BTAF1: variants seen among roughly 807,000 people sequenced by gnomAD.
BTAF1 encodes TATA-binding protein-associated factor 172.
BTAF1 carries 38 observed loss-of-function variants against 227.1 expected under a neutral mutation model. The observed-to-expected ratio is 0.17, with a 90% confidence interval of 0.13 to 0.22. The LOEUF is 0.22. Among genes scored for constraint, BTAF1 ranks in the 10% least tolerant of loss-of-function variants. BTAF1 has a pLI of 1.00. For synonymous variants in BTAF1, 742 were observed against 751.9 expected, an observed-to-expected ratio of 0.99 and a Z score of 0.21; for missense variants, 1,598 against 2,204.0, an observed-to-expected ratio of 0.73 and a Z score of 5.51.
intron 14 of BTAF1, among the ~76,000 whole-genome samples, chr10:91,970,522 T>G (rs1035464931): frequency 6.6e-6 from 1 of 152,278 alleles, no homozygotes; most frequent in Admixed American, 6.5e-5. Flanking sequence ...GAAACTCCTG[T>G]TTTTAAAATT....
intron 34 of BTAF1, among the ~76,000 whole-genome samples, chr10:92,020,968 A>C (rs1851078130): frequency 6.6e-6 from 1 of 152,162 alleles, no homozygotes; most frequent in Non-Finnish European, 1.5e-5. Flanking sequence ...ATGCTTAGGA[A>C]GTCTGCAACT....
chr10:91,930,519 A>G (rs1356272055), intron 1 of BTAF1, among the ~76,000 whole-genome samples: 3 of 152,182 alleles, frequency 2.0e-5, no homozygotes. Flanking sequence ...TCACACCTTC[A>G]TATTGATTCT....
intron 19 of BTAF1, among the ~76,000 whole-genome samples, chr10:91,987,438 A>G (rs549627982): frequency 6.6e-6 from 1 of 152,202 alleles, no homozygotes; most frequent in Non-Finnish European, 1.5e-5. Flanking sequence ...AACCAAGATC[A>G]CGCCACTGCG....
chr10:91,976,734 G>C (rs557551834), intron 14 of BTAF1, among the ~76,000 whole-genome samples: 1 of 152,236 alleles, frequency 6.6e-6, no homozygotes, highest in South Asian at 2.1e-4. Context: ...TATTCCTTAC[G>C]ATACGAATTT....
intron 8 of BTAF1, 93 bp downstream of exon 8, chr10:91,957,386 A>G (rs572865257): frequency 6.6e-4 from 667 of 1,010,040 alleles, no homozygotes; most frequent in Middle Eastern, 1.3e-3. Flanking sequence ...CAGAGTCCCT[A>G]TTCTTCTCTG....
At chr10:91,991,832 T>TATATAC (rs1466556430) in intron 20 of BTAF1, among the ~76,000 whole-genome samples, 48 of 11,246 alleles carry the variant, frequency 4.3e-3, no homozygotes, top group African/African-American at 6.0e-3. Context: ...TATATATATA[T>TATATAC]ACACACATAT....
intron 14 of BTAF1, among the ~76,000 whole-genome samples, chr10:91,978,671 A>AGG (rs1168233881): frequency 2.6e-5 from 4 of 152,118 alleles, no homozygotes; most frequent in Non-Finnish European, 5.9e-5. Context: ...TGTGGAGGGC[A>AGG]GGGGCTGATA....
chr10:91,988,511 G>A (rs866010396), intron 19 of BTAF1, among the ~76,000 whole-genome samples: 14 of 152,178 alleles, frequency 9.2e-5, no homozygotes, highest in Admixed American at 6.5e-5. Context: ...TTTCAATGGG[G>A]CTTGCAAAGT....
chr10:92,001,987 C>T lies in BTAF1; in HGVS notation c.3660+4236C>T, dbSNP rs867175317. Among the ~76,000 whole-genome samples, 590 of 94,512 alleles carry T rather than the reference C, an allele frequency of 6.2e-3. 4 individuals are homozygous for T. Among genetic ancestry groups the T allele is most frequent in the South Asian group, 0.011 (25 of 2,360 alleles). 62.0% of individuals were successfully genotyped at this position (94,512 alleles called of 152,430 possible). ...AAAAAACCATATATATATATATATACACACACACACACACACACACACACA... is the reference window on the plus strand; with the variant it reads ...AAAAAACCATATATATATATATATATACACACACACACACACACACACACA... On this transcript the variant is annotated intron_variant, in intron 25 of 37. Transcript: ENST00000265990.
intron 4 of BTAF1, among the ~76,000 whole-genome samples, chr10:91,943,489 A>G (rs1222959154): frequency 6.6e-6 from 1 of 152,210 alleles, no homozygotes; most frequent in Non-Finnish European, 1.5e-5. Context: ...TTTTGAGTAA[A>G]AAACAAAACA....
intron 30 of BTAF1, among the ~76,000 whole-genome samples, chr10:92,012,739 G>A (rs1271495328): frequency 2.4e-5 from 3 of 126,396 alleles, no homozygotes; most frequent in African/African-American, 9.3e-5. Flanking sequence ...CCATTGCACT[G>A]CAGCCTGGGT....
chr10:92,013,403 C>G (rs1186549698), intron 30 of BTAF1, among the ~76,000 whole-genome samples: 1 of 152,080 alleles, frequency 6.6e-6, no homozygotes, highest in Non-Finnish European at 1.5e-5. Context: ...TTCATAAATG[C>G]CAACAGTAAA....
At position 91,942,571 on chromosome 10, in the gene BTAF1, C is replaced by T. The variant is rs17107230; in HGVS notation, c.400+3C>T. ...TGAAGTCCAAGATGAAAAATCAGGT[C>T]TGTAGTGGTTCTGAGAAGAAAGTCT... On this transcript the variant is annotated splice_donor_region_variant and intron_variant, in intron 4 of 37. Coordinates refer to ENST00000265990, the MANE Select transcript of BTAF1 (RefSeq NM_003972.3). The T allele has an allele frequency of 1.2e-6, 2 of 1,613,774 alleles. No homozygotes were observed. The highest frequency in any genetic ancestry group is 1.7e-6 in the Non-Finnish European group (2 of 1,179,916).
Position 92,030,606 on chromosome 10 carries a change from AAGTT to A in BTAF1, c.*1677_*1680del, listed in dbSNP as rs780118764. On this transcript the variant is annotated 3_prime_UTR_variant, in exon 38 of 38. Transcript: ENST00000265990. ...AGGGGCAAAAGAAATCACACCATAA[AAGTT>A]AGTACTTTTTCCCAATCTGAAATGT... Among the ~76,000 whole-genome samples the A allele has an allele frequency of 1.3e-5, 2 of 152,090 alleles. No homozygotes were observed. The highest frequency in any genetic ancestry group is 2.9e-5 in the Non-Finnish European group (2 of 67,982).
Position 91,996,489 on chromosome 10 carries a change from A to T in BTAF1, c.3430A>T (p.Ile1144Phe). The T allele has an allele frequency of 6.2e-7, 1 of 1,614,102 alleles. No homozygotes were observed. The highest frequency in any genetic ancestry group is 8.5e-7 in the Non-Finnish European group (1 of 1,180,006). The stretch of plus-strand genomic sequence containing the variant: ...AATAGCTACCATGGAAACAATGAAT[A>T]TTTTTTTGGAGAAGGTTCTTCCGTG... ...SKIATMETMN[I>F]FLEKVLPWLG... Residue 1144 changes from isoleucine (I) to phenylalanine (F), a missense_variant, in exon 24 of 38, where the codon ATT becomes TTT. Coordinates refer to ENST00000265990, the MANE Select transcript of BTAF1 (RefSeq NM_003972.3).
chr10:92,008,684 T>C (rs1270542627), intron 26 of BTAF1, 145 bp from the exon 27 acceptor site: 1 of 703,376 alleles, frequency 1.4e-6, no homozygotes, highest in Non-Finnish European at 2.1e-6. Flanking sequence ...AGTAAAATCT[T>C]GTGTTTAGTG....
intron 25 of BTAF1, among the ~76,000 whole-genome samples, chr10:92,006,154 A>C (rs1411169915): frequency 2.0e-5 from 3 of 152,166 alleles, no homozygotes; most frequent in Non-Finnish European, 1.5e-5. Flanking sequence ...AATGGTAGAT[A>C]ACTGGATTCT....
chr10:91,937,530 C>A (rs1211645992), intron 2 of BTAF1, among the ~76,000 whole-genome samples: 3 of 152,090 alleles, frequency 2.0e-5, no homozygotes, highest in Non-Finnish European at 2.9e-5. Context: ...ATTTGCCTAT[C>A]CTGAACATTT....
At chr10:91,940,125 A>C in intron 3 of BTAF1, 59 bp downstream of exon 3, 2 of 1,066,262 alleles carry the variant, frequency 1.9e-6, no homozygotes, top group Non-Finnish European at 2.8e-6. Flanking sequence ...ATTAATTATA[A>C]TATGCGTTTT....
Sources: allele counts gnomAD v4.1 joint callset (sites outside exome capture counted in the v4.1 genomes callset), GRCh38; gene constraint gnomAD v4.1.1; transcripts MANE v1.5; gene names NCBI Gene and HGNC (gene_info 2026-07-23, HGNC 2026-07-21).